The following LRRC4C variants were observed in gnomAD, a reference collection of about 807,000 sequenced individuals.
LRRC4C encodes leucine-rich repeat-containing protein 4C.
LRRC4C carries 5 observed loss-of-function variants against 33.6 expected under a neutral mutation model. That is an observed-to-expected ratio of 0.15 (90% CI 0.08 to 0.31). LRRC4C has a LOEUF of 0.31. Ranked by LOEUF, LRRC4C falls within the 10% of genes least tolerant of loss-of-function variation. The pLI is 1.00. For missense variants in LRRC4C, 560 were observed against 796.7 expected (o/e 0.70, Z 3.58); for synonymous variants, 329 against 302.0 (o/e 1.09, Z -0.93).
At chr11:40,775,720 AAG>A (rs1170350922) in intron 2 of LRRC4C, among the ~76,000 whole-genome samples, 1 of 152,170 alleles carries the variant, frequency 6.6e-6, no homozygotes, top group South Asian at 2.1e-4. Flanking sequence ...ATTGTAAGTA[AAG>A]AGAGAGAATT....
chr11:40,555,474 A>T (rs1265861111), intron 3 of LRRC4C, among the ~76,000 whole-genome samples: 1 of 152,120 alleles, frequency 6.6e-6, no homozygotes, highest in Non-Finnish European at 1.5e-5. Flanking sequence ...TATTTCCCCA[A>T]TTTATATGAA....
chr11:41,339,297 T>C (rs1201564265), intron 1 of LRRC4C, among the ~76,000 whole-genome samples: 1 of 152,202 alleles, frequency 6.6e-6, no homozygotes, highest in Non-Finnish European at 1.5e-5. Flanking sequence ...GAATAAGTCA[T>C]TAGATTGGAA....
intron 5 of LRRC4C, among the ~76,000 whole-genome samples, chr11:40,172,995 G>A (rs975011119): frequency 1.6e-4 from 24 of 152,184 alleles, no homozygotes; most frequent in Non-Finnish European, 2.9e-4. Context: ...GTGAAGACAA[G>A]TAAAGAGACG....
intron 2 of LRRC4C, among the ~76,000 whole-genome samples, chr11:40,698,396 A>G (rs947678502): frequency 1.3e-5 from 2 of 152,132 alleles, no homozygotes; most frequent in South Asian, 4.1e-4. Context: ...ACTAGCAATC[A>G]TTGTATTTTG....
intron 2 of LRRC4C, among the ~76,000 whole-genome samples, chr11:40,783,330 C>CT (rs1444744548): frequency 2.6e-5 from 4 of 151,726 alleles, no homozygotes; most frequent in African/African-American, 9.7e-5. Context: ...GAGTCTTGCT[C>CT]CGTCACCCAG....
chr11:41,173,566 T>C (rs1945068568), intron 1 of LRRC4C, among the ~76,000 whole-genome samples: 2 of 152,150 alleles, frequency 1.3e-5, no homozygotes, highest in Admixed American at 6.6e-5. Flanking sequence ...TGTTTCCTTA[T>C]TGGTCTAGGT....
At chr11:40,646,026 T>G (rs1942429930) in intron 3 of LRRC4C, among the ~76,000 whole-genome samples, 1 of 102,372 alleles carries the variant, frequency 9.8e-6, no homozygotes, top group Non-Finnish European at 2.0e-5. Flanking sequence ...TTATGATTCC[T>G]CAGTGTTTTT....
intron 4 of LRRC4C, among the ~76,000 whole-genome samples, chr11:40,298,195 C>T (rs569267568): frequency 1.4e-4 from 22 of 152,122 alleles, no homozygotes; most frequent in African/African-American, 4.6e-4. Context: ...GAAGATGCCA[C>T]CAAATAAGAT....
At chr11:41,193,426 C>G (rs922092691) in intron 1 of LRRC4C, among the ~76,000 whole-genome samples, 1 of 151,996 alleles carries the variant, frequency 6.6e-6, no homozygotes, top group Non-Finnish European at 1.5e-5. Context: ...CCCAATAGAC[C>G]AAGCATCATG....
chr11:40,260,281 A>G (rs1035833222), intron 4 of LRRC4C, among the ~76,000 whole-genome samples: 1 of 139,902 alleles, frequency 7.1e-6, no homozygotes, highest in Non-Finnish European at 1.5e-5. Flanking sequence ...GGAAATCATC[A>G]TTCTCAGTAA....
chr11:40,521,854 C>T (rs997057457), intron 3 of LRRC4C, among the ~76,000 whole-genome samples: 10 of 150,604 alleles, frequency 6.6e-5, no homozygotes, highest in Admixed American at 1.3e-4. Context: ...GGTGACAGAG[C>T]GAGACACCGT....
intron 3 of LRRC4C, among the ~76,000 whole-genome samples, chr11:40,586,133 C>T (rs1049221883): frequency 6.6e-6 from 1 of 150,704 alleles, no homozygotes; most frequent in African/African-American, 2.4e-5. Context: ...TCTCCAGCAC[C>T]TGTTGTTTCC....
At chr11:40,176,075 G>A (rs927060021) in intron 5 of LRRC4C, among the ~76,000 whole-genome samples, 24 of 152,204 alleles carry the variant, frequency 1.6e-4, no homozygotes, top group African/African-American at 5.8e-4. Context: ...ATTATTTAGA[G>A]AGTTTAGGGA....
At chr11:40,835,414 T>C (rs961364325) in intron 2 of LRRC4C, among the ~76,000 whole-genome samples, 7 of 152,326 alleles carry the variant, frequency 4.6e-5, no homozygotes, top group African/African-American at 1.2e-4. Context: ...GATGCTAAGT[T>C]CACAGACTGG....
chr11:40,365,576 A>G (rs1948172128), intron 3 of LRRC4C, among the ~76,000 whole-genome samples: 1 of 152,022 alleles, frequency 6.6e-6, no homozygotes, highest in African/African-American at 2.4e-5. Flanking sequence ...GCCCGAGAGG[A>G]GATTTTTAAG....
At chr11:40,555,378 C>T (rs1376974297) in intron 3 of LRRC4C, among the ~76,000 whole-genome samples, 1 of 152,174 alleles carries the variant, frequency 6.6e-6, no homozygotes, top group African/African-American at 2.4e-5. Flanking sequence ...AATATTATTA[C>T]TGGTATCTTC....
chr11:40,236,091 C>T (rs1486659958), intron 5 of LRRC4C, among the ~76,000 whole-genome samples: 2 of 151,116 alleles, frequency 1.3e-5, no homozygotes, highest in African/African-American at 4.9e-5. Context: ...CCTCTTCAGC[C>T]TATGAAAAAA....
chr11:41,317,810 A>G (rs959483071), intron 1 of LRRC4C, among the ~76,000 whole-genome samples: 6 of 152,136 alleles, frequency 3.9e-5, no homozygotes, highest in African/African-American at 1.4e-4. Context: ...AAGACAATGT[A>G]TGGTCATCTA....
chr11:40,288,791 T>A (rs1180246101), intron 4 of LRRC4C, among the ~76,000 whole-genome samples: 2 of 152,230 alleles, frequency 1.3e-5, no homozygotes, highest in Non-Finnish European at 2.9e-5. Flanking sequence ...GAGGGCTTAA[T>A]ATTAGTAATG....
Sources: gnomAD v4.1 joint callset for allele counts (sites outside exome capture counted in the v4.1 genomes callset) on GRCh38, gnomAD v4.1.1 for gene constraint, MANE v1.5 for transcripts, NCBI Gene and HGNC (gene_info 2026-07-23, HGNC 2026-07-21) for gene names.